Variants in ZFHX4 observed in about 807,000 individuals in gnomAD.
The protein encoded by ZFHX4 is zinc finger homeobox 4.
ZFHX4 carries 56 observed loss-of-function variants against 267.6 expected under a neutral mutation model. The observed-to-expected ratio is 0.21, with a 90% CI of 0.17 to 0.26. ZFHX4 has a LOEUF of 0.26. ZFHX4 is among the 10% of genes least tolerant of loss of function. ZFHX4 has a pLI of 1.00. For missense variants in ZFHX4, 4,332 were observed against 4,420.0 expected (o/e 0.98, Z 0.56); for synonymous variants, 1,778 against 1,665.6 (o/e 1.07, Z -1.64).
chr8:76,849,092 A>G lies in ZFHX4; in HGVS notation c.3609A>G (p.Ser1203=). The G allele has an allele frequency of 6.4e-7, 1 of 1,566,856 alleles. No homozygotes were observed. Among genetic ancestry groups the G allele is most frequent in the South Asian group, 1.2e-5 (1 of 84,874 alleles). The change falls in exon 7 of 11, where the codon TCA becomes TCG. Residue 1203 remains serine (S), a synonymous_variant. Transcript: ENST00000651372. ...AAGAGGATGTTGCAACAAAAAGGTC[A>G]AAACCTACAGAGGACAATAAATTCT... ...AKEEDVATKR[S]KPTEDNKFCH...
intron 1 of ZFHX4, among the ~76,000 whole-genome samples, chr8:76,685,500 A>G (rs1807669874): frequency 6.6e-6 from 1 of 152,202 alleles, no homozygotes; most frequent in African/African-American, 2.4e-5. Flanking sequence ...TCAATAGTGT[A>G]AAGCCCGTGT....
intron 1 of ZFHX4, among the ~76,000 whole-genome samples, chr8:76,686,442 A>G (rs2131576831): frequency 6.6e-6 from 1 of 152,326 alleles, no homozygotes; most frequent in Non-Finnish European, 1.5e-5. Flanking sequence ...GTCAAAACAC[A>G]GCGTTAATCT....
intron 3 of ZFHX4, among the ~76,000 whole-genome samples, chr8:76,721,339 C>T (rs1808716416): frequency 1.3e-5 from 2 of 152,104 alleles, no homozygotes; most frequent in South Asian, 4.1e-4. Flanking sequence ...TTTATGACAG[C>T]TTAAATCTAC....
intron 4 of ZFHX4, among the ~76,000 whole-genome samples, chr8:76,823,201 G>A (rs1811700533): frequency 6.7e-6 from 1 of 148,442 alleles, no homozygotes. Context: ...TCCCACAGAA[G>A]AAAATATGAT....
At chr8:76,723,353 TC>T (rs1808772885) in intron 3 of ZFHX4, among the ~76,000 whole-genome samples, 1 of 152,092 alleles carries the variant, frequency 6.6e-6, no homozygotes, top group African/African-American at 2.4e-5. Context: ...CTTAATCACT[TC>T]TGCAGTTCTA....
intron 4 of ZFHX4, among the ~76,000 whole-genome samples, chr8:76,794,621 C>T (rs533115902): frequency 2.0e-5 from 3 of 152,202 alleles, no homozygotes; most frequent in East Asian, 3.9e-4. Context: ...GTGTTCTATA[C>T]AGGAGACTGT....
At chr8:76,736,408 G>A (rs979338497) in intron 3 of ZFHX4, among the ~76,000 whole-genome samples, 4 of 151,968 alleles carry the variant, frequency 2.6e-5, no homozygotes, top group Admixed American at 6.6e-5. Context: ...TTCCTTTTGT[G>A]GTTTGAATTT....
At chr8:76,824,990 T>G (rs1462606984) in intron 4 of ZFHX4, among the ~76,000 whole-genome samples, 1 of 152,200 alleles carries the variant, frequency 6.6e-6, no homozygotes, top group Non-Finnish European at 1.5e-5. Flanking sequence ...CTACAATGCT[T>G]AAGAAATCGA....
intron 4 of ZFHX4, among the ~76,000 whole-genome samples, chr8:76,811,388 T>C (rs1223885881): frequency 6.6e-6 from 1 of 152,238 alleles, no homozygotes; most frequent in East Asian, 1.9e-4. Context: ...CATGTATGTA[T>C]GAGGTTGTAC....
intron 1 of ZFHX4, among the ~76,000 whole-genome samples, chr8:76,691,309 G>A (rs922807605): frequency 2.6e-5 from 4 of 151,974 alleles, no homozygotes; most frequent in African/African-American, 7.2e-5. Flanking sequence ...GCTCCAAATG[G>A]ACAAGAAGAG....
chr8:76,793,582 T>C (rs1338363142), intron 4 of ZFHX4, among the ~76,000 whole-genome samples: 1 of 152,176 alleles, frequency 6.6e-6, no homozygotes, highest in Non-Finnish European at 1.5e-5. Flanking sequence ...GGGATGTATA[T>C]TGGCTACTAT....
At chr8:76,811,563 G>A (rs1585970012) in intron 4 of ZFHX4, among the ~76,000 whole-genome samples, 2 of 152,204 alleles carry the variant, frequency 1.3e-5, no homozygotes, top group South Asian at 2.1e-4. Context: ...AACTACTGAT[G>A]TTATGTGTTT....
Position 76,855,694 on chromosome 8 carries a change from G to C in ZFHX4, c.8773G>C (p.Asp2925His), listed in dbSNP as rs1812702433. 1.9e-6 allele frequency: 3 copies of C among 1,613,726 alleles called. No homozygotes were observed. Among genetic ancestry groups the C allele is most frequent in the Non-Finnish European group, 2.5e-6 (3 of 1,179,864 alleles). The change falls in exon 10 of 11, where the codon GAT (aspartate) becomes CAT (histidine). Residue 2925 changes from aspartate to histidine, a missense_variant. By Grantham distance (81) the Asp-to-His change is moderately conservative. This residue lies in a region of ZFHX4 where 1,648 missense variants were observed against 1,625.0 expected (regional missense o/e 1.01). Transcript: ENST00000651372. ...SSNPFKSKSN[D>H]RPGHKRFRTQ... The stretch of plus-strand genomic sequence containing the variant: ...CAATCCCTTTAAATCCAAAAGTAAT[G>C]ATCGGCCGGGTCACAAGCGTTTTCG...
At chr8:76,728,781 T>C (rs1808923010) in intron 3 of ZFHX4, among the ~76,000 whole-genome samples, 2 of 152,182 alleles carry the variant, frequency 1.3e-5, no homozygotes, top group Non-Finnish European at 2.9e-5. Flanking sequence ...TGGAAGTGAT[T>C]ACCCTGAATT....
chr8:76,839,930 A>G (rs1273950750), intron 5 of ZFHX4, among the ~76,000 whole-genome samples: 3 of 152,212 alleles, frequency 2.0e-5, no homozygotes, highest in South Asian at 4.1e-4. Context: ...TCTAAAGTCT[A>G]TTTATACAAT....
intron 4 of ZFHX4, among the ~76,000 whole-genome samples, chr8:76,802,894 A>T (rs1811149346): frequency 6.6e-6 from 1 of 152,150 alleles, no homozygotes; most frequent in South Asian, 2.1e-4. Context: ...CTACATTCAC[A>T]TTGGAATGTA....
intron 1 of ZFHX4, among the ~76,000 whole-genome samples, chr8:76,691,027 G>T (rs1334005781): frequency 6.6e-6 from 1 of 152,046 alleles, no homozygotes; most frequent in Non-Finnish European, 1.5e-5. Flanking sequence ...ACCCAGCAAG[G>T]CAGGAAAATG....
intron 4 of ZFHX4, among the ~76,000 whole-genome samples, chr8:76,819,705 C>A (rs1455447290): frequency 6.6e-6 from 1 of 152,210 alleles, no homozygotes; most frequent in Non-Finnish European, 1.5e-5. Context: ...ACGGGTATCA[C>A]AGGAAAGATG....
At chr8:76,722,338 T>A (rs1198802903) in intron 3 of ZFHX4, among the ~76,000 whole-genome samples, 1 of 152,076 alleles carries the variant, frequency 6.6e-6, no homozygotes, top group Non-Finnish European at 1.5e-5. Context: ...AACTGAAAGA[T>A]TGACTGCCTA....
Sources: gnomAD v4.1 joint callset for allele counts (sites outside exome capture counted in the v4.1 genomes callset) on GRCh38, gnomAD v4.1.1 for gene constraint, gnomAD v4.1.1 regional missense constraint, MANE v1.5 for transcripts, NCBI Gene and HGNC (gene_info 2026-07-23, HGNC 2026-07-21) for gene names.